The following ITSN1 variants were observed in gnomAD, a reference collection of about 807,000 sequenced individuals.
ITSN1 encodes the protein intersectin-1.
ITSN1 carries 58 observed loss-of-function variants against 239.8 expected under a neutral mutation model. The observed-to-expected ratio is 0.24, with a 90% CI of 0.20 to 0.30. The LOEUF (loss-of-function observed/expected upper bound fraction) is 0.30. ITSN1 is among the 10% of genes least tolerant of loss of function. ITSN1 has a pLI of 1.00. For synonymous variants in ITSN1, 780 were observed against 770.8 expected (o/e 1.01, Z -0.20); for missense variants, 1,558 against 2,103.3 (o/e 0.74, Z 5.07).
intron 1 of ITSN1, among the ~76,000 whole-genome samples, chr21:33,643,010 G>T (rs1259906669): frequency 1.3e-5 from 2 of 149,478 alleles, no homozygotes; most frequent in African/African-American, 4.9e-5. Context: ...GGGGATGAAT[G>T]GGCGCCGCGG....
At chr21:33,842,596 T>G (rs182589263) in intron 29 of ITSN1, among the ~76,000 whole-genome samples, 7 of 151,924 alleles carry the variant, frequency 4.6e-5, no homozygotes, top group African/African-American at 1.7e-4. Context: ...TGACAGTAGG[T>G]CAAACGGTGA....
chr21:33,816,901 A>T (rs757851383), intron 22 of ITSN1, among the ~76,000 whole-genome samples: 19 of 152,140 alleles, frequency 1.2e-4, no homozygotes, highest in Non-Finnish European at 2.4e-4. Flanking sequence ...AGGAAATAGG[A>T]TAGGGATGTT....
chr21:33,863,562 G>A (rs1981030820), intron 31 of ITSN1, among the ~76,000 whole-genome samples: 1 of 152,130 alleles, frequency 6.6e-6, no homozygotes, highest in Admixed American at 6.5e-5. Context: ...AGACTGAGGT[G>A]GAGGTTGTAG....
chr21:33,874,178 A>G lies in ITSN1; in HGVS notation c.4174-1176A>G, dbSNP rs112786927. 7.6e-3 allele frequency among the ~76,000 whole-genome samples: 988 copies of G among 130,798 alleles called. 15 individuals are homozygous for G. The highest frequency in any genetic ancestry group is 0.015 in the African/African-American group (545 of 36,936). 85.8% of individuals were successfully genotyped at this position (130,798 alleles called of 152,430 possible). On this transcript the variant is annotated intron_variant, in intron 33 of 39. Transcript: ENST00000381318. ...TCTCAAAAAAAAAAAAAAAAAAAAAAGAACATTTATATAACCAACCCAAAT... is the reference window on the plus strand; with the variant it reads ...TCTCAAAAAAAAAAAAAAAAAAAAAGGAACATTTATATAACCAACCCAAAT...
At position 33,769,699 on chromosome 21, in the gene ITSN1, C is replaced by CTT. The variant is rs201243816; in HGVS notation, c.1042+1882_1042+1883dup. ...CTGTTTTCTCTATCTCTGTCTCTGCCTTTTTTTTTTTTGAGACGGTTGTTT... is the reference window on the plus strand; with the variant it reads ...CTGTTTTCTCTATCTCTGTCTCTGCCTTTTTTTTTTTTTTGAGACGGTTGTTT... On this transcript the variant is annotated intron_variant, in intron 11 of 39. Coordinates refer to ENST00000381318, the MANE Select transcript of ITSN1 (RefSeq NM_003024.3). Among the ~76,000 whole-genome samples the CTT allele has an allele frequency of 3.7e-3, 540 of 145,528 alleles. 4 individuals are homozygous for CTT. Among genetic ancestry groups the CTT allele is most frequent in the African/African-American group, 0.012 (462 of 39,884 alleles).
intron 34 of ITSN1, 65 bp downstream of exon 34, chr21:33,875,586 G>A: frequency 6.6e-7 from 1 of 1,508,980 alleles, no homozygotes; most frequent in Non-Finnish European, 9.0e-7. Context: ...GCCTGGAGGA[G>A]GACAAAGAAA....
At chr21:33,844,379 A>G (rs2074922545) in intron 29 of ITSN1, among the ~76,000 whole-genome samples, 1 of 152,212 alleles carries the variant, frequency 6.6e-6, no homozygotes, top group Non-Finnish European at 1.5e-5. Context: ...TGGCAGGCCC[A>G]TGCAGCGCTC....
rs1041705144 is a variant in ITSN1 at position 33,894,253 on chromosome 21, A to T, written c.*5953A>T. On this transcript the variant is annotated 3_prime_UTR_variant, in exon 40 of 40. Transcript: ENST00000381318. ...ACCTCCCAATAACTTCTTTAGTTCC[A>T]TGCAGCCTCAATCAGTTCCTCCATT... is the stretch of plus-strand genomic sequence containing the variant. The T allele has an allele frequency of 2.6e-5, 4 of 152,218 alleles. No individual in the cohort carries two copies. The highest frequency in any genetic ancestry group is 9.6e-5 in the African/African-American group (4 of 41,458). 9.4% of individuals were successfully genotyped at this position (152,218 alleles called of 1,614,324 possible). A position where few individuals can be genotyped will look rare whatever the true frequency, so the allele number is the denominator to read the frequency against.
chr21:33,747,116 T>G (rs2067230259), intron 5 of ITSN1, among the ~76,000 whole-genome samples: 1 of 152,178 alleles, frequency 6.6e-6, no homozygotes, highest in Non-Finnish European at 1.5e-5. Context: ...ACCACGCCAC[T>G]GCACTCCAGC....
intron 16 of ITSN1, among the ~76,000 whole-genome samples, chr21:33,786,567 G>C (rs771229624): frequency 6.6e-6 from 1 of 152,330 alleles, no homozygotes; most frequent in South Asian, 2.1e-4. Context: ...AGTAGTTACT[G>C]TAGCAGTTTT....
Position 33,882,269 on chromosome 21 carries a change from T to C in ITSN1, c.4368T>C (p.Asn1456=). 1 of 1,614,088 alleles carries C rather than the reference T, an allele frequency of 6.2e-7. No individual in the cohort carries two copies. Among genetic ancestry groups the C allele is most frequent in the East Asian group, 2.2e-5 (1 of 44,876 alleles). The part of the protein sequence containing the change: ...SEQLVFNSVT[N]CLGPRKFLHS... Reference sequence around the variant, plus strand: ...AACTTGTGTTCAATTCAGTGACCAATTGCTTGGGGCCGCGCAAATTTCTGC... The same window carrying C: ...AACTTGTGTTCAATTCAGTGACCAACTGCTTGGGGCCGCGCAAATTTCTGC... Residue 1456 remains asparagine (N), a synonymous_variant, in exon 35 of 40, where the codon AAT becomes AAC. Coordinates refer to ENST00000381318, the MANE Select transcript of ITSN1 (RefSeq NM_003024.3). This position sits in a 1 kb window ranked among gnomAD's most constrained non-coding sequence, Gnocchi z 4.5.
intron 22 of ITSN1, chr21:33,814,488 G>A (rs908105277): frequency 5.9e-6 from 1 of 170,110 alleles, no homozygotes; most frequent in African/African-American, 2.4e-5. Context: ...TTTGGAAAAG[G>A]TAGACCAATT....
intron 4 of ITSN1, among the ~76,000 whole-genome samples, chr21:33,733,961 T>C (rs1321273187): frequency 6.6e-6 from 1 of 152,226 alleles, no homozygotes; most frequent in Non-Finnish European, 1.5e-5. Context: ...TTTTCTTTCT[T>C]TGAGTTAATT....
chr21:33,867,311 T>C lies in ITSN1; in HGVS notation c.4153T>C (p.Tyr1385His), dbSNP rs1602648581. 6.2e-7 allele frequency: 1 copy of C among 1,602,636 alleles called. No homozygotes were observed. Among genetic ancestry groups the C allele is most frequent in the East Asian group, 2.2e-5 (1 of 44,788 alleles). The change falls in exon 33 of 40, where the codon TAC (tyrosine) becomes CAC (histidine). Residue 1385 changes from tyrosine to histidine, a missense_variant. By Grantham distance (83) the Tyr-to-His change is moderately conservative. This residue lies in a region of ITSN1 where 576 missense variants were observed against 893.3 expected (regional missense o/e 0.64). Transcript: ENST00000381318. ...ILKPMQRVTRYPLIIKNILEN... is the reference protein window; with the variant it reads ...ILKPMQRVTRHPLIIKNILEN... The stretch of plus-strand genomic sequence containing the variant: ...GAAGCCTATGCAACGGGTAACAAGA[T>C]ACCCACTGATCATTAAAAATGTAAG...
intron 14 of ITSN1, 41 bp from the exon 15 acceptor site, chr21:33,781,420 C>T (rs764335381): frequency 9.3e-7 from 1 of 1,080,764 alleles, no homozygotes; most frequent in East Asian, 2.4e-5. Context: ...ATGTGGTAGC[C>T]TTCCCTGTCA....
At chr21:33,668,585 A>T (rs1355585939) in intron 1 of ITSN1, among the ~76,000 whole-genome samples, 3 of 152,016 alleles carry the variant, frequency 2.0e-5, no homozygotes, top group Non-Finnish European at 2.9e-5. Context: ...GGGCCTGGGG[A>T]TGCTCTAGGC....
intron 1 of ITSN1, among the ~76,000 whole-genome samples, chr21:33,701,245 C>G (rs1023579995): frequency 6.6e-6 from 1 of 152,126 alleles, no homozygotes; most frequent in Non-Finnish European, 1.5e-5. Flanking sequence ...ACTATAGGCA[C>G]ATGCCACCAC....
Position 33,894,952 on chromosome 21 carries a change from A to G in ITSN1, c.*6652A>G, listed in dbSNP as rs1986611886. The G allele has an allele frequency of 6.6e-6, 1 of 152,128 alleles. No homozygotes were observed. Among genetic ancestry groups the G allele is most frequent in the Non-Finnish European group, 1.5e-5 (1 of 68,052 alleles). The allele number at this position is 152,128 out of a possible 1,614,324, so 9.4% of individuals were successfully genotyped here. A position where few individuals can be genotyped will look rare whatever the true frequency, so the allele number is the denominator to read the frequency against. ...AGATTTCAAGGTGCCGGCTCCACCT[A>G]CCGCAGCTGCTAGGCATTGCTCTTG... On this transcript the variant is annotated 3_prime_UTR_variant, in exon 40 of 40. Transcript: ENST00000381318.
chr21:33,799,805 C>G lies in ITSN1; in HGVS notation c.2183-3C>G. The G allele has an allele frequency of 6.2e-7, 1 of 1,611,048 alleles. No homozygotes were observed. The highest frequency in any genetic ancestry group is 8.5e-7 in the Non-Finnish European group (1 of 1,178,978). ...TGTCCCCCCCACCTTTTTTTGTAAA[C>G]AGAAAAAGGTCCACTTACCATTTCT... On this transcript the variant is annotated splice_polypyrimidine_tract_variant and splice_region_variant and intron_variant, in intron 18 of 39. Transcript: ENST00000381318.
Sources: allele counts gnomAD v4.1 joint callset (sites outside exome capture counted in the v4.1 genomes callset), GRCh38; gene constraint gnomAD v4.1.1; regional missense constraint gnomAD v4.1.1; non-coding constraint Gnocchi (gnomAD v3.1); transcripts MANE v1.5; gene names NCBI Gene and HGNC (gene_info 2026-07-23, HGNC 2026-07-21).